Variants in TSHR observed in about 807,000 individuals in gnomAD.
TSHR encodes the protein thyrotropin receptor.
TSHR carries 51 observed loss-of-function variants against 64.1 expected under a neutral mutation model. The ratio of observed to expected loss-of-function variants is 0.80; its 90% CI spans 0.64 to 1.01. TSHR has a LOEUF of 1.01. Among genes scored for constraint, TSHR ranks in the 50% least tolerant of loss-of-function variants. TSHR has a pLI of 0.00. For synonymous variants in TSHR, 361 were observed against 361.9 expected (o/e 1.00, Z 0.03); for missense variants, 877 against 942.8 (o/e 0.93, Z 0.91).
At chr14:81,062,251 A>T (rs1469798377) in intron 2 of TSHR, 32 bp downstream of exon 2, 11 of 1,518,862 alleles carry the variant, frequency 7.2e-6, no homozygotes, top group Middle Eastern at 1.7e-4. Flanking sequence ...AAAAGTTTGC[A>T]TTTGTGATAT....
Position 81,112,940 on chromosome 14 carries a change from T to C in TSHR, c.692+4488T>C, listed in dbSNP as rs542057737. ...AGCTGTGATCAAAAAGATGATAGGG[T>C]TGAGGAGCAACTTGCAGATGGTCTT... is the stretch of plus-strand genomic sequence containing the variant. On this transcript the variant is annotated intron_variant, in intron 8 of 9. Transcript: ENST00000298171. Among the ~76,000 whole-genome samples the C allele has an allele frequency of 5.3e-5, 8 of 152,108 alleles. No individual in the cohort carries two copies. In the East Asian group the frequency reaches 1.4e-3, roughly 26 times the overall value.
chr14:81,036,000 G>A (rs1884605048), intron 1 of TSHR, among the ~76,000 whole-genome samples: 1 of 152,062 alleles, frequency 6.6e-6, no homozygotes, highest in African/African-American at 2.4e-5. Flanking sequence ...ACAAAAATTT[G>A]TGAACTTAAA....
chr14:81,101,333 C>T (rs954332184), intron 7 of TSHR, among the ~76,000 whole-genome samples: 1 of 152,062 alleles, frequency 6.6e-6, no homozygotes, highest in Non-Finnish European at 1.5e-5. Context: ...GGAAAAAGTA[C>T]GCAAAGTCCT....
intron 7 of TSHR, among the ~76,000 whole-genome samples, chr14:81,100,343 C>T (rs1889496136): frequency 1.3e-5 from 2 of 152,242 alleles, no homozygotes; most frequent in South Asian, 2.1e-4. Context: ...GAGGGGAATA[C>T]CGCCTCTGAT....
Position 81,067,927 on chromosome 14 carries a change from CTATATATATATA to C in TSHR, c.243-311_243-300del, listed in dbSNP as rs10528934. On this transcript the variant is annotated intron_variant, in intron 2 of 9. Coordinates refer to ENST00000298171, the MANE Select transcript of TSHR (RefSeq NM_000369.5). ...TAGTGGAACATTCCACAGGGTGACA[CTATATATATATA>C]TATATATATATATATCGCTAAATAT... Among the ~76,000 whole-genome samples, 653 of 95,790 alleles carry C rather than the reference CTATATATATATA, an allele frequency of 6.8e-3. 43 individuals carry two copies. The highest frequency in any genetic ancestry group is 0.036 in the African/African-American group (615 of 16,886). 62.8% of individuals were successfully genotyped at this position (95,790 alleles called of 152,430 possible).
At chr14:81,080,384 A>C (rs1188205410) in intron 3 of TSHR, among the ~76,000 whole-genome samples, 7 of 152,366 alleles carry the variant, frequency 4.6e-5, no homozygotes, top group Middle Eastern at 6.8e-3. Flanking sequence ...TGGATGCATC[A>C]GAGGTTTCAA....
At chr14:81,043,360 C>T (rs974146388) in intron 1 of TSHR, among the ~76,000 whole-genome samples, 2 of 152,058 alleles carry the variant, frequency 1.3e-5, no homozygotes, top group African/African-American at 4.8e-5. Flanking sequence ...GAATAAAATA[C>T]CTAAGAATAC....
At chr14:81,022,526 A>T (rs538875894) in intron 1 of TSHR, among the ~76,000 whole-genome samples, 38 of 152,214 alleles carry the variant, frequency 2.5e-4, no homozygotes, top group African/African-American at 8.9e-4. Flanking sequence ...TGGTATTAAG[A>T]TGTGGGGTGT....
chr14:81,108,940 A>C, intron 8 of TSHR: 4 of 1,369,612 alleles, frequency 2.9e-6, no homozygotes, highest in Non-Finnish European at 3.8e-6. Flanking sequence ...TTTAAACAGC[A>C]TGAAAACATA....
At chr14:80,983,058 A>G in intron 1 of TSHR, 1 of 557,864 alleles carries the variant, frequency 1.8e-6, no homozygotes, top group Non-Finnish European at 3.3e-6. Context: ...CATTTGCCCA[A>G]GAGTTTATTA....
chr14:80,955,876 A>G (rs61750920), intron 1 of TSHR, 26 bp downstream of exon 1: 2 of 1,614,068 alleles, frequency 1.2e-6, no homozygotes, highest in South Asian at 2.2e-5. Context: ...AGATCAGGGT[A>G]GGACCCAGAG....
At chr14:80,969,561 C>G (rs965362604) in intron 1 of TSHR, among the ~76,000 whole-genome samples, 2 of 152,196 alleles carry the variant, frequency 1.3e-5, no homozygotes, top group South Asian at 2.1e-4. Context: ...ATGGGCTATA[C>G]TGCTGAAAGG....
chr14:81,124,084 T>C (rs1403094214), intron 8 of TSHR, among the ~76,000 whole-genome samples: 1 of 152,182 alleles, frequency 6.6e-6, no homozygotes. Context: ...GAAGAGGAAA[T>C]CTCTGTAATA....
chr14:81,012,404 T>A (rs1479727452), intron 1 of TSHR: 1 of 151,872 alleles, frequency 6.6e-6, no homozygotes, highest in African/African-American at 2.4e-5. Context: ...TAAACATACG[T>A]GTGCATGTGT....
At chr14:81,027,128 G>A (rs972018987) in intron 1 of TSHR, among the ~76,000 whole-genome samples, 1 of 151,560 alleles carries the variant, frequency 6.6e-6, no homozygotes, top group African/African-American at 2.4e-5. Context: ...TCTTGAGAAA[G>A]TGGAGCAAAA....
intron 8 of TSHR, among the ~76,000 whole-genome samples, chr14:81,138,916 T>A (rs931510099): frequency 2.6e-5 from 4 of 152,178 alleles, no homozygotes; most frequent in African/African-American, 9.7e-5. Context: ...CTGGACTCTC[T>A]GGGATTCAGA....
intron 1 of TSHR, among the ~76,000 whole-genome samples, chr14:81,035,723 CT>C (rs1277192528): frequency 6.6e-6 from 1 of 152,052 alleles, no homozygotes; most frequent in African/African-American, 2.4e-5. Flanking sequence ...TTTTGTTTTG[CT>C]TCTTTGTTTG....
chr14:80,983,668 C>T, intron 1 of TSHR: 1 of 695,788 alleles, frequency 1.4e-6, no homozygotes, highest in Non-Finnish European at 2.3e-6. Context: ...CACTTTGAAC[C>T]ATCTCCAAAC....
chr14:81,079,937 T>TTTTG (rs36136362), intron 3 of TSHR, among the ~76,000 whole-genome samples: 7,154 of 149,854 alleles, frequency 0.048, 343 homozygotes, highest in African/African-American at 0.13. Flanking sequence ...AGTTTTTGGG[T>TTTTG]TTTGTTTGTT....
Sources: allele counts gnomAD v4.1 joint callset (sites outside exome capture counted in the v4.1 genomes callset), GRCh38; gene constraint gnomAD v4.1.1; transcripts MANE v1.5; gene names NCBI Gene and HGNC (gene_info 2026-07-23, HGNC 2026-07-21).